Variants in ASIC4 observed in about 807,000 individuals in gnomAD.
ASIC4 encodes acid-sensing ion channel 4.
In ASIC4, 28 loss-of-function variants were observed where a neutral mutation model predicts 53.4. The ratio of observed to expected loss-of-function variants is 0.52; its 90% confidence interval spans 0.39 to 0.72. The LOEUF (loss-of-function observed/expected upper bound fraction) is 0.72, where lower values mean the gene tolerates loss of function less well. ASIC4 is among the 30% of genes least tolerant of loss of function. The pLI is 0.00. For missense variants in ASIC4, 649 were observed against 729.7 expected, an observed-to-expected ratio of 0.89 and a Z score of 1.27; for synonymous variants, 289 against 301.4, an observed-to-expected ratio of 0.96 and a Z score of 0.43.
rs1309233195 is a variant in ASIC4 at position 219,514,681 on chromosome 2, G to A, written c.-44G>A. The stretch of plus-strand genomic sequence containing the variant: ...GCACCAGGGCTGCTGGCTAGGGAGG[G>A]ACAGGGCAGGGAGGCTCTGGCCAGT... On this transcript the variant is annotated 5_prime_UTR_variant, in exon 1 of 10. Coordinates refer to ENST00000358078, the MANE Select transcript of ASIC4 (RefSeq NM_018674.6). The A allele has an allele frequency of 6.2e-7, 1 of 1,613,364 alleles. No homozygotes were observed. Among genetic ancestry groups the A allele is most frequent in the Non-Finnish European group, 8.5e-7 (1 of 1,179,882 alleles).
intron 1 of ASIC4, among the ~76,000 whole-genome samples, chr2:219,519,782 C>A (rs1157847465): frequency 6.6e-6 from 1 of 152,168 alleles, no homozygotes; most frequent in African/African-American, 2.4e-5. Context: ...GGGATTACAA[C>A]TGGGACCACA....
At chr2:219,528,558 G>C (rs190416141) in intron 1 of ASIC4, among the ~76,000 whole-genome samples, 158 of 151,032 alleles carry the variant, frequency 1.0e-3, no homozygotes, top group African/African-American at 3.8e-3. Flanking sequence ...GTTGTTTTTT[G>C]AGATGGAGTC....
At chr2:219,508,581 C>G in the ASIC4 span, among the ~76,000 whole-genome samples, 2 of 152,110 alleles carry the variant, frequency 1.3e-5, no homozygotes, top group Middle Eastern at 3.4e-3. Flanking sequence ...ACATGCCCCC[C>G]CCACTCCTCC....
At chr2:219,523,909 A>G (rs1242534115) in intron 1 of ASIC4, among the ~76,000 whole-genome samples, 1 of 151,910 alleles carries the variant, frequency 6.6e-6, no homozygotes, top group Non-Finnish European at 1.5e-5. Context: ...CTGCAGCCTC[A>G]ACCTCCCAGA....
intron 1 of ASIC4, among the ~76,000 whole-genome samples, chr2:219,530,442 T>C (rs1695024804): frequency 6.6e-6 from 1 of 152,264 alleles, no homozygotes; most frequent in East Asian, 1.9e-4. Context: ...CCTTGTGCCC[T>C]GCACTGGGCC....
In ASIC4 at chr2:219,537,187, T is replaced by C. The variant is rs1457581601; in HGVS notation, c.1321+30T>C. ...GACTGGTGTCCCTGCCCCCAGCTTG[T>C]GTGGGGGTGGATCGGCCCGGCCGCT... On this transcript the variant is annotated intron_variant, in intron 7 of 9. Transcript: ENST00000358078. This position sits in a 1 kb window ranked among gnomAD's most constrained non-coding sequence, Gnocchi z 4.9. 1.9e-6 allele frequency: 3 copies of C among 1,611,812 alleles called. No homozygotes were observed. Among genetic ancestry groups the C allele is most frequent in the Admixed American group, 1.7e-5 (1 of 59,950 alleles).
Position 219,537,801 on chromosome 2 carries a change from T to C in ASIC4, c.1506+65T>C. ...CCTCCCCAGGACTGAATACATCCAT[T>C]GTTTCTGAACCAGCCTGTGGAGGGG... On this transcript the variant is annotated intron_variant, in intron 9 of 9. Coordinates refer to ENST00000358078, the MANE Select transcript of ASIC4 (RefSeq NM_018674.6). The surrounding 1 kb of genome is among the most constrained non-coding windows in gnomAD (Gnocchi z 4.9). The C allele has an allele frequency of 1.9e-6, 3 of 1,545,352 alleles. No individual in the cohort carries two copies. The South Asian group carries it at 3.5e-5, about 18-fold the overall frequency.
intron 5 of ASIC4, 118 bp downstream of exon 5, chr2:219,533,057 G>A (rs756264474): frequency 1.7e-6 from 2 of 1,163,730 alleles, no homozygotes; most frequent in Non-Finnish European, 1.3e-6. Context: ...TTCTTCCTGG[G>A]GGTTGAGCCT....
chr2:219,533,001 C>G, intron 5 of ASIC4, 62 bp downstream of exon 5: 1 of 1,517,882 alleles, frequency 6.6e-7, no homozygotes, highest in Non-Finnish European at 9.1e-7. Context: ...GTCCACTCTT[C>G]TCCTCACTGT....
chr2:219,533,041 G>GGAAGAACCCTCCAGGAA, intron 5 of ASIC4, 102 bp downstream of exon 5: 2 of 1,317,806 alleles, frequency 1.5e-6, no homozygotes, highest in Non-Finnish European at 2.2e-6. Flanking sequence ...ATCTCTTCCT[G>GGAAGAACCCTCCAGGAA]GAGGGTTCTT....
chr2:219,531,710 T>C, intron 1 of ASIC4, 48 bp from the exon 2 acceptor site: 1 of 1,535,118 alleles, frequency 6.5e-7, no homozygotes, highest in African/African-American at 1.4e-5. Context: ...GGAGTTGCCT[T>C]GGCCACTCCT....
At chr2:219,526,663 G>C (rs542511639) in intron 1 of ASIC4, among the ~76,000 whole-genome samples, 2 of 152,218 alleles carry the variant, frequency 1.3e-5, no homozygotes, top group African/African-American at 4.8e-5. Context: ...GAGGCAGACA[G>C]ACCCAGGCTG....
Position 219,518,730 on chromosome 2 carries a change from A to G in ASIC4, c.582+3424A>G, listed in dbSNP as rs927882214. Among the ~76,000 whole-genome samples the G allele has an allele frequency of 2.0e-5, 3 of 152,062 alleles. No homozygotes were observed. Among genetic ancestry groups the G allele is most frequent in the African/African-American group, 7.2e-5 (3 of 41,394 alleles). ...CCTGCCCTCTTACTAAAAGGCAGAA[A>G]TCACTCTTTCTCCCTAGGCTTCATT... is the stretch of plus-strand genomic sequence containing the variant. On this transcript the variant is annotated intron_variant, in intron 1 of 9. Coordinates refer to ENST00000358078, the MANE Select transcript of ASIC4 (RefSeq NM_018674.6). This position sits in a 1 kb window ranked among gnomAD's most constrained non-coding sequence, Gnocchi z 4.8.
chr2:219,519,066 G>A (rs12470770), intron 1 of ASIC4, among the ~76,000 whole-genome samples: 4,006 of 152,178 alleles, frequency 0.026, 179 homozygotes, highest in African/African-American at 0.09. Context: ...CACCTCGCCC[G>A]GCTAATTTTT....
chr2:219,534,814 C>T (rs1372159436), intron 5 of ASIC4, among the ~76,000 whole-genome samples: 2 of 151,952 alleles, frequency 1.3e-5, no homozygotes, highest in Non-Finnish European at 2.9e-5. Context: ...TCCATCCATG[C>T]ATGCATCCCA....
Position 219,525,050 on chromosome 2 carries a change from C to T in ASIC4, c.583-6708C>T, listed in dbSNP as rs188094202. Among the ~76,000 whole-genome samples the T allele has an allele frequency of 5.4e-4, 82 of 152,342 alleles. 1 individual carries two copies. The highest frequency in any genetic ancestry group is 6.8e-3 in the Middle Eastern group (2 of 294). ...ACCGAGGCTCAGAGAGGTTTAATCA[C>T]ACATCTGAGGTTGTTTGTCCAAAGT... On this transcript the variant is annotated intron_variant, in intron 1 of 9. Coordinates refer to ENST00000358078, the MANE Select transcript of ASIC4 (RefSeq NM_018674.6).
Position 219,535,372 on chromosome 2 carries a change from G to C in ASIC4, c.1229+48G>C, listed in dbSNP as rs376923243. The C allele has an allele frequency of 1.1e-5, 17 of 1,518,534 alleles. No homozygotes were observed. The South Asian group carries it at 2.1e-4, about 19-fold the overall frequency. 94.1% of individuals were successfully genotyped at this position (1,518,534 alleles called of 1,614,324 possible). A position where few individuals can be genotyped will look rare whatever the true frequency, so the allele number is the denominator to read the frequency against. On this transcript the variant is annotated intron_variant, in intron 6 of 9. Transcript: ENST00000358078. ...GGTGGCTGTGTGACTCTGTGTGTAC[G>C]TGTGTGTGGGGGGTGGCTGTGTGAC...
chr2:219,530,650 C>T (rs11894691), intron 1 of ASIC4, among the ~76,000 whole-genome samples: 1,562 of 152,326 alleles, frequency 0.01, 31 homozygotes, highest in African/African-American at 0.035. Context: ...GTGTGACATG[C>T]TGAGGCTTCA....
intron 1 of ASIC4, 31 bp from the exon 2 acceptor site, chr2:219,531,727 T>TC (rs1695044203): frequency 6.5e-7 from 1 of 1,542,816 alleles, no homozygotes; most frequent in South Asian, 1.3e-5. Context: ...TCCTTTCATC[T>TC]CCCCTCCTGC....
Sources: allele counts gnomAD v4.1 joint callset (sites outside exome capture counted in the v4.1 genomes callset), GRCh38; gene constraint gnomAD v4.1.1; non-coding constraint Gnocchi (gnomAD v3.1); transcripts MANE v1.5; gene names NCBI Gene and HGNC (gene_info 2026-07-23, HGNC 2026-07-21).